The following ZP2 variants were observed in gnomAD, a reference collection of about 807,000 sequenced individuals.
The protein encoded by ZP2 is zona pellucida glycoprotein 2, also known as zona pellucida sperm-binding protein 2.
ZP2 carries 51 observed loss-of-function variants against 84.0 expected under a neutral mutation model. The ratio of observed to expected loss-of-function variants is 0.61; its 90% CI spans 0.49 to 0.77. The LOEUF is 0.77. Among genes scored for constraint, ZP2 ranks in the 30% least tolerant of loss-of-function variants. The pLI, the probability that ZP2 is intolerant of heterozygous loss-of-function variation, is 0.00. For missense variants in ZP2, 909 were observed against 911.9 expected (o/e 1.00, Z 0.04); for synonymous variants, 375 against 330.9 (o/e 1.13, Z -1.45).
chr16:21,214,199 C>T, upstream of ZP2: 1 of 976,642 alleles, frequency 1.0e-6, no homozygotes. Context: ...CTGGTATGTG[C>T]ACCAGAGATT....
At chr16:21,205,954 C>T (rs2093247758) in intron 5 of ZP2, 179 bp from the exon 6 acceptor site, 2 of 630,336 alleles carry the variant, frequency 3.2e-6, no homozygotes, top group Non-Finnish European at 5.7e-6. Context: ...CTTCTGATCC[C>T]AAGAGGCAGC....
Position 21,197,503 on chromosome 16 carries a change from T to C in ZP2, c.2215A>G (p.Lys739Glu). The change falls in exon 19 of 19, where the codon AAA becomes GAA. Residue 739 changes from lysine to glutamate, a missense_variant. Coordinates refer to ENST00000574091, the MANE Select transcript of ZP2 (RefSeq NM_001376232.1). ...ATTTAGTGATTTGACACAGTCCTTT[T>C]CTCGTACAGGTAGTAGATGAAGCCT... is the stretch of plus-strand genomic sequence containing the variant. ...TLGFIYYLYE[K>E]RTVSNH 1 of 1,614,190 alleles carries C rather than the reference T, an allele frequency of 6.2e-7. No homozygotes were observed. Among genetic ancestry groups the C allele is most frequent in the Non-Finnish European group, 8.5e-7 (1 of 1,180,018 alleles).
Position 21,210,165 on chromosome 16 carries a change from A to G in ZP2, c.179T>C (p.Ile60Thr), listed in dbSNP as rs1268781492. The G allele has an allele frequency of 1.9e-6, 3 of 1,613,966 alleles. No individual in the cohort carries two copies. The highest frequency in any genetic ancestry group is 1.7e-6 in the Non-Finnish European group (2 of 1,179,968). Residue 60 changes from isoleucine (I) to threonine (T), a missense_variant, in exon 3 of 19, where the codon ATA becomes ACA. Coordinates refer to ENST00000574091, the MANE Select transcript of ZP2 (RefSeq NM_001376232.1). ...AGGACTGCTTGGGAACTCCACTGTT[A>G]TTTCCCTTTCATCGCAAGTGACAGT... ...PGTVTCDERE[I>T]TVEFPSSPGT...
At chr16:21,209,371 G>A (rs1378992797) in intron 4 of ZP2, among the ~76,000 whole-genome samples, 3 of 152,156 alleles carry the variant, frequency 2.0e-5, no homozygotes, top group African/African-American at 7.2e-5. Flanking sequence ...GTTTCACCAT[G>A]TTGGCCAGGC....
Position 21,205,539 on chromosome 16 carries a change from C to T in ZP2, c.574G>A (p.Ala192Thr), listed in dbSNP as rs777512895. ...MGWSIEVGDG[A>T]RAKTLTLPEA... ...GGCAGGGTCAGAGTTTTGGCTCTTG[C>T]ACCATCACCAACCTCAATGCTCCAT... The change falls in exon 7 of 19, where the codon GCA (alanine) becomes ACA (threonine). Residue 192 changes from alanine (A) to threonine (T), a missense_variant. By Grantham distance (58) the Ala-to-Thr change is moderately conservative. Coordinates refer to ENST00000574091, the MANE Select transcript of ZP2 (RefSeq NM_001376232.1). 14 of 1,613,966 alleles carry T rather than the reference C, an allele frequency of 8.7e-6. No individual in the cohort carries two copies. The highest frequency in any genetic ancestry group is 1.3e-5 in the African/African-American group (1 of 74,902).
At chr16:21,199,204 C>T (rs112574736) in intron 16 of ZP2, among the ~76,000 whole-genome samples, 49 of 151,330 alleles carry the variant, frequency 3.2e-4, no homozygotes, top group African/African-American at 1.2e-3. Context: ...TTCCTATAAT[C>T]CCAGCTACTT....
intron 16 of ZP2, among the ~76,000 whole-genome samples, chr16:21,199,318 C>CAA (rs10644558): frequency 0.017 from 792 of 45,710 alleles, 109 homozygotes; most frequent in African/African-American, 0.043. Flanking sequence ...AAAACTGTCT[C>CAA]AAAAAAAAAA....
In ZP2 at chr16:21,198,894, C is replaced by T. The variant is rs192984018; in HGVS notation, c.1928-32G>A. On this transcript the variant is annotated intron_variant, in intron 16 of 18. Coordinates refer to ENST00000574091, the MANE Select transcript of ZP2 (RefSeq NM_001376232.1). ...ACAGATGATCAAGTTTGTGTTTGGC[C>T]TCTGGAATAGTGGTTCGAGAGGTGT... The T allele has an allele frequency of 1.5e-3, 2,405 of 1,596,680 alleles. 4 individuals are homozygous for T. The highest frequency in any genetic ancestry group is 1.9e-3 in the Non-Finnish European group (2,191 of 1,165,478).
At chr16:21,200,395 G>A (rs1045281713) in intron 14 of ZP2, among the ~76,000 whole-genome samples, 6 of 152,194 alleles carry the variant, frequency 3.9e-5, no homozygotes, top group African/African-American at 1.2e-4. Flanking sequence ...CTGAGATTGT[G>A]CCATTGCACT....
intron 4 of ZP2, among the ~76,000 whole-genome samples, chr16:21,207,831 G>A (rs1484773949): frequency 6.6e-6 from 1 of 151,930 alleles, no homozygotes; most frequent in Non-Finnish European, 1.5e-5. Context: ...ATGCCAGCCT[G>A]GACAACAGCA....
intron 5 of ZP2, among the ~76,000 whole-genome samples, chr16:21,206,537 T>C (rs545897858): frequency 6.6e-6 from 1 of 152,028 alleles, no homozygotes; most frequent in African/African-American, 2.4e-5. Context: ...ATGTATTCCA[T>C]TTGTCAGATG....
chr16:21,213,041 T>TTATG (rs1162095388), upstream of ZP2, among the ~76,000 whole-genome samples: 11 of 152,294 alleles, frequency 7.2e-5, no homozygotes, highest in South Asian at 2.1e-4. Flanking sequence ...GCCGCTACTT[T>TTATG]TATGTATGTA....
rs776893558 is a variant in ZP2, at chr16:21,203,279, CCA to C, written c.973-30_973-29del. 32 of 1,610,772 alleles carry C rather than the reference CCA, an allele frequency of 2.0e-5. No individual in the cohort carries two copies. The South Asian group carries it at 3.4e-4, about 17-fold the overall frequency. On this transcript the variant is annotated intron_variant, in intron 9 of 18. Transcript: ENST00000574091. ...GAAATGAGAAAATGTCAATTAGCAGCCACAGTCCGTTGGGGCCCGGAACCGTC... is the reference window on the plus strand; with the variant it reads ...GAAATGAGAAAATGTCAATTAGCAGCCAGTCCGTTGGGGCCCGGAACCGTC...
Position 21,209,656 on chromosome 16 carries a change from G to A in ZP2, c.305C>T (p.Thr102Ile). 6.2e-7 allele frequency: 1 copy of A among 1,614,160 alleles called. No individual in the cohort carries two copies. The highest frequency in any genetic ancestry group is 8.5e-7 in the Non-Finnish European group (1 of 1,180,014). The change falls in exon 4 of 19, where the codon ACC becomes ATC. Residue 102 changes from threonine (T) to isoleucine (I), a missense_variant. Coordinates refer to ENST00000574091, the MANE Select transcript of ZP2 (RefSeq NM_001376232.1). Reference protein sequence around the residue: ...LDPEKLTLRATYDNCTRRVHG... With the variant: ...LDPEKLTLRAIYDNCTRRVHG... ...CACTCTCCTGGTACAGTTATCATAG[G>A]TAGCCCTCAGGGTGAGCTTTTCTGG... is the stretch of plus-strand genomic sequence containing the variant.
chr16:21,201,186 G>A (rs1245835925), intron 14 of ZP2, among the ~76,000 whole-genome samples, 183 bp downstream of exon 14: 1 of 148,926 alleles, frequency 6.7e-6, no homozygotes, highest in Non-Finnish European at 1.5e-5. Context: ...GTGACAGAAT[G>A]AGACCCCATC....
In ZP2 at chr16:21,206,021, T is replaced by C. The variant is rs1048487133; in HGVS notation, c.484-246A>G. ...TTGGGACACATTTCTCCCCCCAAGA[T>C]AGAGTTTCGCTCATCGCCCAGGCTG... On this transcript the variant is annotated intron_variant, in intron 5 of 18. Coordinates refer to ENST00000574091, the MANE Select transcript of ZP2 (RefSeq NM_001376232.1). 2.7e-5 allele frequency: 14 copies of C among 526,658 alleles called. No individual in the cohort carries two copies. In the East Asian group the frequency reaches 4.8e-4, roughly 18 times the overall value. The allele number at this position is 526,658 out of a possible 1,614,324, so 32.6% of individuals were successfully genotyped here. A position where few individuals can be genotyped will look rare whatever the true frequency, so the allele number is the denominator to read the frequency against.
chr16:21,199,935 A>G lies in ZP2; in HGVS notation c.1695-57T>C. 6 of 1,603,474 alleles carry G rather than the reference A, an allele frequency of 3.7e-6. No individual in the cohort carries two copies. In the South Asian group the frequency reaches 6.6e-5, roughly 18 times the overall value. ...TCATATGCATCTTGGAGTCAAATTC[A>G]ATGTCTGCCCAGATTTAGTCATACG... On this transcript the variant is annotated intron_variant, in intron 14 of 18. Transcript: ENST00000574091.
chr16:21,210,039 A>C, intron 3 of ZP2, 70 bp downstream of exon 3: 1 of 1,419,156 alleles, frequency 7.0e-7, no homozygotes, highest in East Asian at 2.3e-5. Context: ...TCTGCTCCCC[A>C]AACAGGATTG....
chr16:21,198,631 A>G, intron 17 of ZP2, 148 bp downstream of exon 17: 1 of 638,188 alleles, frequency 1.6e-6, no homozygotes, highest in Non-Finnish European at 2.7e-6. Context: ...GAGACTTAAT[A>G]GAAGCCTACT....
Sources: allele counts gnomAD v4.1 joint callset (sites outside exome capture counted in the v4.1 genomes callset), GRCh38; gene constraint gnomAD v4.1.1; transcripts MANE v1.5; gene names NCBI Gene and HGNC (gene_info 2026-07-23, HGNC 2026-07-21).